Variants in GTF2E2 observed in about 807,000 individuals in gnomAD.
GTF2E2 encodes the protein transcription initiation factor IIE subunit beta.
A neutral mutation model predicts 40.5 loss-of-function variants in GTF2E2; 21 were observed. The observed-to-expected ratio is 0.52, with a 90% CI of 0.37 to 0.75. The LOEUF is 0.75. GTF2E2 is among the 30% of genes least tolerant of loss of function. GTF2E2 has a pLI of 0.00. For synonymous variants in GTF2E2, 117 were observed against 121.6 expected, an observed-to-expected ratio of 0.96 and a Z score of 0.25; for missense variants, 298 against 338.4, an observed-to-expected ratio of 0.88 and a Z score of 0.94.
At chr8:30,654,167 T>C (rs371740109) in intron 1 of GTF2E2, among the ~76,000 whole-genome samples, 1 of 151,944 alleles carries the variant, frequency 6.6e-6, no homozygotes, top group East Asian at 1.9e-4. Flanking sequence ...GTCCAATATA[T>C]TAGCCACTAG....
chr8:30,601,287 A>G (rs752942583), intron 6 of GTF2E2, among the ~76,000 whole-genome samples: 12 of 152,210 alleles, frequency 7.9e-5, no homozygotes, highest in Non-Finnish European at 1.6e-4. Flanking sequence ...ATCTTCTTCC[A>G]CCACCAAGTG....
rs376129876 is a variant in GTF2E2, at chr8:30,649,316, T to G, written c.166+4117A>C. Among the ~76,000 whole-genome samples, 12 of 152,046 alleles carry G rather than the reference T, an allele frequency of 7.9e-5. No individual in the cohort carries two copies. In the East Asian group the frequency reaches 9.7e-4, roughly 12 times the overall value. On this transcript the variant is annotated intron_variant, in intron 2 of 7. Transcript: ENST00000355904. ...ATTTCAGCTGTGAATTAAGTTCCAC[T>G]GACATTGTTTAAAAGATAATAATGT...
intron 3 of GTF2E2, among the ~76,000 whole-genome samples, 156 bp downstream of exon 3, chr8:30,634,876 T>C (rs1238715074): frequency 6.6e-5 from 10 of 152,240 alleles, no homozygotes; most frequent in Non-Finnish European, 1.5e-4. Context: ...TGTAAAAGGC[T>C]TGAGGTATAA....
chr8:30,581,540 A>T (rs747060353), intron 6 of GTF2E2, among the ~76,000 whole-genome samples: 75 of 152,228 alleles, frequency 4.9e-4, no homozygotes, highest in Non-Finnish European at 8.7e-4. Context: ...GAAGCTTTTC[A>T]TTGCAGGTGA....
chr8:30,653,169 A>C (rs547709467), intron 2 of GTF2E2, among the ~76,000 whole-genome samples: 35 of 152,318 alleles, frequency 2.3e-4, no homozygotes, highest in Middle Eastern at 3.4e-3. Context: ...ACATCTTTGA[A>C]CTGTAAACTT....
chr8:30,604,408 T>C (rs1290186138), intron 6 of GTF2E2, among the ~76,000 whole-genome samples: 1 of 152,218 alleles, frequency 6.6e-6, no homozygotes, highest in Non-Finnish European at 1.5e-5. Context: ...CTGCATTATC[T>C]TCCTGATTTC....
chr8:30,626,848 T>C (rs1801292996), intron 3 of GTF2E2, among the ~76,000 whole-genome samples: 1 of 152,244 alleles, frequency 6.6e-6, no homozygotes, highest in Non-Finnish European at 1.5e-5. Context: ...TGGCAAACAA[T>C]TTATGACTCC....
chr8:30,584,447 T>C (rs923671980), intron 6 of GTF2E2: 1 of 152,230 alleles, frequency 6.6e-6, no homozygotes, highest in South Asian at 2.1e-4. Flanking sequence ...CACTTTATTA[T>C]GGCAGAAGAC....
chr8:30,619,098 C>CT (rs1429028998), intron 3 of GTF2E2, among the ~76,000 whole-genome samples: 1 of 151,896 alleles, frequency 6.6e-6, no homozygotes, highest in Admixed American at 6.6e-5. Context: ...TGTGCCACCA[C>CT]ACCATGCTAA....
intron 2 of GTF2E2, among the ~76,000 whole-genome samples, chr8:30,652,665 T>C (rs1233579494): frequency 6.6e-6 from 1 of 152,170 alleles, no homozygotes; most frequent in East Asian, 1.9e-4. Context: ...CTTAACAAGT[T>C]AAATATAAAT....
At chr8:30,643,221 A>C (rs1801916591) in intron 2 of GTF2E2, among the ~76,000 whole-genome samples, 2 of 152,220 alleles carry the variant, frequency 1.3e-5, no homozygotes, top group South Asian at 4.1e-4. Context: ...ATGTTTAAAA[A>C]TAGAGTCCTC....
chr8:30,639,028 C>T (rs1429784652), intron 2 of GTF2E2, among the ~76,000 whole-genome samples: 3 of 152,056 alleles, frequency 2.0e-5, no homozygotes, highest in Non-Finnish European at 2.9e-5. Flanking sequence ...AGATCAAAAG[C>T]GAATTCCAGA....
At chr8:30,582,637 C>T (rs996819203) in intron 6 of GTF2E2, among the ~76,000 whole-genome samples, 2 of 152,142 alleles carry the variant, frequency 1.3e-5, no homozygotes, top group Non-Finnish European at 2.9e-5. Context: ...TCTTTGTTTC[C>T]CCACTGGTCA....
At chr8:30,596,016 A>G (rs1828995313) in intron 6 of GTF2E2, among the ~76,000 whole-genome samples, 1 of 152,178 alleles carries the variant, frequency 6.6e-6, no homozygotes, top group African/African-American at 2.4e-5. Flanking sequence ...AGAACTCTGC[A>G]TTCTTTTTTT....
At position 30,635,100 on chromosome 8, in the gene GTF2E2, A is replaced by G. The variant is rs1299314863; in HGVS notation, c.190T>C (p.Leu64=). The change falls in exon 3 of 8, where the codon TTG becomes CTG. Residue 64 remains leucine, a synonymous_variant. Transcript: ENST00000355904. ...NSDHSNGSFN[L]KALSGSSGYK... ...CCAGAGCTTCCTGACAAAGCTTTCA[A>G]GTTAAATGATCCATTGCTATGATCT... 6.2e-7 allele frequency: 1 copy of G among 1,605,016 alleles called. No individual in the cohort carries two copies. The highest frequency in any genetic ancestry group is 1.3e-5 in the African/African-American group (1 of 74,824).
chr8:30,590,096 C>A (rs1228067031), intron 6 of GTF2E2, among the ~76,000 whole-genome samples: 4 of 152,168 alleles, frequency 2.6e-5, no homozygotes, highest in Non-Finnish European at 5.9e-5. Context: ...CCCTATGCTC[C>A]TCTGCAGTCA....
At chr8:30,613,277 CT>C (rs1203484456) in intron 4 of GTF2E2, among the ~76,000 whole-genome samples, 1 of 152,194 alleles carries the variant, frequency 6.6e-6, no homozygotes. Context: ...GCAATGGCAG[CT>C]GTGGAAGGAA....
chr8:30,625,590 T>C (rs893605548), intron 3 of GTF2E2, among the ~76,000 whole-genome samples: 6 of 151,448 alleles, frequency 4.0e-5, no homozygotes, highest in Admixed American at 3.9e-4. Flanking sequence ...CTATGTTCAC[T>C]TTGCTGAGGG....
chr8:30,610,929 A>C (rs1355174455), intron 5 of GTF2E2, among the ~76,000 whole-genome samples: 1 of 152,230 alleles, frequency 6.6e-6, no homozygotes, highest in Non-Finnish European at 1.5e-5. Context: ...GTATCTGTTA[A>C]GGAATTAATA....
Sources: gnomAD v4.1 joint callset for allele counts (sites outside exome capture counted in the v4.1 genomes callset) on GRCh38, gnomAD v4.1.1 for gene constraint, MANE v1.5 for transcripts, NCBI Gene and HGNC (gene_info 2026-07-23, HGNC 2026-07-21) for gene names.